WFDC3: variants seen among roughly 807,000 people sequenced by gnomAD.
WFDC3 encodes the protein WAP four-disulfide core domain protein 3.
In WFDC3, 15 loss-of-function variants were observed where a neutral mutation model predicts 25.8. The observed-to-expected ratio is 0.58, with a 90% CI of 0.39 to 0.89. WFDC3 has a LOEUF of 0.89. Ranked by LOEUF, WFDC3 falls within the 40% of genes least tolerant of loss-of-function variation. The pLI, the probability that WFDC3 is intolerant of heterozygous loss-of-function variation, is 0.00. For missense variants in WFDC3, 264 were observed against 289.8 expected (o/e 0.91, Z 0.65); for synonymous variants, 103 against 107.1 (o/e 0.96, Z 0.24).
At chr20:45,789,242 C>T (rs991972485) in intron 2 of WFDC3, among the ~76,000 whole-genome samples, 183 bp from the exon 3 acceptor site, 5 of 149,976 alleles carry the variant, frequency 3.3e-5, no homozygotes, top group African/African-American at 1.2e-4. Context: ...CACGATAGCT[C>T]ATGCCTGTAA....
chr20:45,788,338 G>A (rs1980784283), intron 3 of WFDC3: 1 of 165,536 alleles, frequency 6.0e-6, no homozygotes. Context: ...AGAAAATAGT[G>A]CCTGGCAACA....
At chr20:45,785,873 G>T (rs1980645057) in intron 4 of WFDC3, among the ~76,000 whole-genome samples, 1 of 152,004 alleles carries the variant, frequency 6.6e-6, no homozygotes, top group Non-Finnish European at 1.5e-5. Flanking sequence ...TAGTCTCACG[G>T]GTCTACATCC....
At chr20:45,785,250 A>C (rs1000633272) in intron 4 of WFDC3, among the ~76,000 whole-genome samples, 1 of 152,090 alleles carries the variant, frequency 6.6e-6, no homozygotes, top group African/African-American at 2.4e-5. Flanking sequence ...TGGGCAGATC[A>C]CCTGAGGTCA....
At chr20:45,786,869 T>C (rs1198661604) in intron 4 of WFDC3, among the ~76,000 whole-genome samples, 2 of 151,740 alleles carry the variant, frequency 1.3e-5, no homozygotes, top group Non-Finnish European at 2.9e-5. Context: ...CTGAGGTGGG[T>C]GGATCACGAG....
Position 45,774,321 on chromosome 20 carries a change from G to T in WFDC3, c.*107C>A. 6.8e-7 allele frequency: 1 copy of T among 1,468,302 alleles called. No homozygotes were observed. Among genetic ancestry groups the T allele is most frequent in the East Asian group, 2.3e-5 (1 of 44,152 alleles). 91.0% of individuals were successfully genotyped at this position (1,468,302 alleles called of 1,614,324 possible). ...CAGGAGGAGAAGCAGAGCAGAGAGGGCCATGAGTGCCCCTGGAAATGTCAC... is the reference window on the plus strand; with the variant it reads ...CAGGAGGAGAAGCAGAGCAGAGAGGTCCATGAGTGCCCCTGGAAATGTCAC... On this transcript the variant is annotated 3_prime_UTR_variant, in exon 7 of 7. Transcript: ENST00000243938.
At chr20:45,775,678 A>G in intron 5 of WFDC3, 76 bp from the exon 6 acceptor site, 1 of 1,572,676 alleles carries the variant, frequency 6.4e-7, no homozygotes, top group South Asian at 1.2e-5. Context: ...GTGAACTTAC[A>G]CACAGAGGCT....
chr20:45,776,629 AAAAAAAATATATATATAT>A (rs1980184095), intron 5 of WFDC3, among the ~76,000 whole-genome samples: 1 of 67,150 alleles, frequency 1.5e-5, no homozygotes, highest in East Asian at 6.6e-4. Flanking sequence ...AAAGAAAAAA[AAAAAAAATATATATATAT>A]ATATATATAT....
chr20:45,775,631 G>T (rs200284163), intron 5 of WFDC3, 29 bp from the exon 6 acceptor site: 24 of 1,612,936 alleles, frequency 1.5e-5, no homozygotes, highest in Non-Finnish European at 2.0e-5. Context: ...CAGGAAAAGG[G>T]ACAGGGCATC....
intron 4 of WFDC3, among the ~76,000 whole-genome samples, chr20:45,785,291 A>G (rs1227174529): frequency 4.0e-5 from 6 of 151,886 alleles, no homozygotes; most frequent in African/African-American, 1.5e-4. Flanking sequence ...CCAACATGGC[A>G]AAACCCCATC....
chr20:45,788,227 C>T, intron 3 of WFDC3: 1 of 298,954 alleles, frequency 3.3e-6, no homozygotes, highest in Non-Finnish European at 6.3e-6. Context: ...TCACTTGAAC[C>T]CGGGAGGCAG....
chr20:45,788,087 T>A, intron 3 of WFDC3, 105 bp from the exon 4 acceptor site: 4 of 1,259,548 alleles, frequency 3.2e-6, no homozygotes, highest in Non-Finnish European at 4.2e-6. Context: ...GTGGATCACC[T>A]GAGGTAGGGA....
intron 1 of WFDC3, 71 bp from the exon 2 acceptor site, chr20:45,790,053 G>A (rs1601019937): frequency 6.3e-6 from 8 of 1,263,968 alleles, no homozygotes; most frequent in Non-Finnish European, 9.2e-6. Flanking sequence ...GCTGAGGTAT[G>A]AGCAGGACTA....
intron 5 of WFDC3, 39 bp downstream of exon 5, chr20:45,777,036 G>C (rs371756554): frequency 1.2e-6 from 2 of 1,610,986 alleles, no homozygotes; most frequent in Non-Finnish European, 1.7e-6. Context: ...CTCTTCTCAG[G>C]AAACACTCAA....
At chr20:45,777,757 G>C (rs1355214481) in intron 4 of WFDC3, among the ~76,000 whole-genome samples, 1 of 152,178 alleles carries the variant, frequency 6.6e-6, no homozygotes, top group Non-Finnish European at 1.5e-5. Flanking sequence ...CCTGGCTCAA[G>C]TGATCCTCCC....
rs369394647 is a variant in WFDC3 at position 45,774,407 on chromosome 20, G to A, written c.*21C>T. On this transcript the variant is annotated 3_prime_UTR_variant, in exon 7 of 7. Transcript: ENST00000243938. ...AAAAGCTTCCAGAATTACCAAAGAA[G>A]CTCCAGACAAATCAGCACAGCTAGG... The A allele has an allele frequency of 1.2e-6, 2 of 1,613,998 alleles. No individual in the cohort carries two copies. Among genetic ancestry groups the A allele is most frequent in the East Asian group, 4.5e-5 (2 of 44,892 alleles).
intron 4 of WFDC3, among the ~76,000 whole-genome samples, chr20:45,779,681 GT>G (rs1395767302): frequency 1.4e-4 from 21 of 152,084 alleles, no homozygotes; most frequent in Non-Finnish European, 1.5e-5. Flanking sequence ...GAAAAACCCG[GT>G]GACATAAACA....
At chr20:45,777,024 C>T (rs1489331347) in intron 5 of WFDC3, 51 bp downstream of exon 5, 2 of 1,609,546 alleles carry the variant, frequency 1.2e-6, no homozygotes, top group Non-Finnish European at 1.7e-6. Context: ...GAAAGAGAAG[C>T]ACTCTTCTCA....
chr20:45,788,147 T>C, intron 3 of WFDC3, 165 bp from the exon 4 acceptor site: 1 of 623,742 alleles, frequency 1.6e-6, no homozygotes, highest in Non-Finnish European at 2.5e-6. Context: ...CTACTAAAAA[T>C]ACAAAATTAG....
intron 4 of WFDC3, among the ~76,000 whole-genome samples, chr20:45,780,836 C>T (rs1980409370): frequency 6.6e-6 from 1 of 152,164 alleles, no homozygotes; most frequent in Admixed American, 6.5e-5. Context: ...TACTCCCCTT[C>T]TCTTGTAAAT....
Sources: gnomAD v4.1 joint callset for allele counts (sites outside exome capture counted in the v4.1 genomes callset) on GRCh38, gnomAD v4.1.1 for gene constraint, MANE v1.5 for transcripts, NCBI Gene and HGNC (gene_info 2026-07-23, HGNC 2026-07-21) for gene names.